ATRN: variants seen among roughly 807,000 people sequenced by gnomAD.
The protein encoded by ATRN is attractin-2.
Under a neutral mutation model 178.7 loss-of-function variants are expected in ATRN, and 54 were observed. That is an observed-to-expected ratio of 0.30 (90% CI 0.24 to 0.38). The LOEUF (loss-of-function observed/expected upper bound fraction) is 0.38, where lower values mean the gene tolerates loss of function less well. Ranked by LOEUF, ATRN falls within the 10% of genes least tolerant of loss-of-function variation. ATRN has a pLI of 1.00. For missense variants in ATRN, 1,443 were observed against 1,815.1 expected (o/e 0.79, Z 3.73); for synonymous variants, 636 against 663.0 (o/e 0.96, Z 0.63).
intron 24 of ATRN, among the ~76,000 whole-genome samples, chr20:3,622,376 G>A (rs1018938326): frequency 2.6e-5 from 4 of 152,178 alleles, no homozygotes; most frequent in South Asian, 2.1e-4. Flanking sequence ...CTCCAACAGC[G>A]CTTCCACTAA....
Position 3,538,548 on chromosome 20 carries a change from T to G in ATRN, c.495-1674T>G, listed in dbSNP as rs2085573227. Among the ~76,000 whole-genome samples the G allele has an allele frequency of 2.6e-5, 4 of 152,302 alleles. No homozygotes were observed. In the South Asian group the frequency reaches 8.3e-4, roughly 32 times the overall value. Reference sequence around the variant, plus strand: ...ATTGCCACCTGACACCCTCCTCCACTGTTTTTCTGAATGTGCTCTCAATGG... The same window carrying G: ...ATTGCCACCTGACACCCTCCTCCACGGTTTTTCTGAATGTGCTCTCAATGG... On this transcript the variant is annotated intron_variant, in intron 2 of 28. Transcript: ENST00000262919.
At chr20:3,642,035 G>A (rs2087073228) in intron 27 of ATRN, among the ~76,000 whole-genome samples, 1 of 152,230 alleles carries the variant, frequency 6.6e-6, no homozygotes, top group African/African-American at 2.4e-5. Context: ...ATATGACACA[G>A]TTAGTTGCTC....
rs1257328054 is a variant in ATRN, at chr20:3,645,934, C to T, written c.4166-789C>T. On this transcript the variant is annotated intron_variant, in intron 28 of 28. Coordinates refer to ENST00000262919, the MANE Select transcript of ATRN (RefSeq NM_139321.3). This position sits in a 1 kb window ranked among gnomAD's most constrained non-coding sequence, Gnocchi z 4.7. The stretch of plus-strand genomic sequence containing the variant: ...ATGTCAGATTACTCCGTTATCAATA[C>T]AGGAAGGAAAATGGGATTGCAAGTC... 1.3e-5 allele frequency among the ~76,000 whole-genome samples: 2 copies of T among 152,152 alleles called. No homozygotes were observed. Among genetic ancestry groups the T allele is most frequent in the African/African-American group, 4.8e-5 (2 of 41,416 alleles).
chr20:3,540,404 A>G (rs1263547123), intron 3 of ATRN, 69 bp downstream of exon 3: 7 of 998,298 alleles, frequency 7.0e-6, no homozygotes, highest in Non-Finnish European at 9.3e-6. Flanking sequence ...TCTGGATTGC[A>G]TTCTTACTGG....
At chr20:3,489,372 C>T (rs754898053) in intron 1 of ATRN, among the ~76,000 whole-genome samples, 5 of 152,154 alleles carry the variant, frequency 3.3e-5, no homozygotes, top group Admixed American at 6.5e-5. Context: ...CATCTCAGCC[C>T]TGCAATCTGC....
At chr20:3,506,624 C>CAAAAAA (rs1234061588) in intron 1 of ATRN, among the ~76,000 whole-genome samples, 4 of 84,278 alleles carry the variant, frequency 4.7e-5, no homozygotes, top group Non-Finnish European at 4.8e-5. Context: ...GACTACATCT[C>CAAAAAA]AAAAAAAAAA....
At chr20:3,604,500 A>G (rs1388304490) in intron 24 of ATRN, among the ~76,000 whole-genome samples, 1 of 152,266 alleles carries the variant, frequency 6.6e-6, no homozygotes, top group Non-Finnish European at 1.5e-5. Flanking sequence ...GTTGGCATGT[A>G]ACAGATTTGG....
At chr20:3,588,976 C>CTT (rs1375444238) in intron 18 of ATRN, among the ~76,000 whole-genome samples, 2 of 57,652 alleles carry the variant, frequency 3.5e-5, no homozygotes, top group African/African-American at 1.1e-4. Flanking sequence ...GTAGTATTTT[C>CTT]TTTTGTTTTT....
At chr20:3,502,730 G>T (rs1385807090) in intron 1 of ATRN, among the ~76,000 whole-genome samples, 1 of 152,196 alleles carries the variant, frequency 6.6e-6, no homozygotes, top group Non-Finnish European at 1.5e-5. Context: ...ACTATAGCTA[G>T]CAGTCCAGTT....
At chr20:3,579,816 A>C (rs115130815) in intron 15 of ATRN, among the ~76,000 whole-genome samples, 2,664 of 152,246 alleles carry the variant, frequency 0.017, 83 homozygotes, top group African/African-American at 0.06. Flanking sequence ...TGAGGGCAAC[A>C]CTTCCTTGGG....
intron 1 of ATRN, among the ~76,000 whole-genome samples, chr20:3,532,866 T>C (rs1235253957): frequency 6.6e-6 from 1 of 151,904 alleles, no homozygotes; most frequent in Non-Finnish European, 1.5e-5. Context: ...GGGTTCACGC[T>C]ATTCTCCTGC....
At chr20:3,554,431 G>T (rs2085836938) in intron 6 of ATRN, among the ~76,000 whole-genome samples, 1 of 151,868 alleles carries the variant, frequency 6.6e-6, no homozygotes, top group Non-Finnish European at 1.5e-5. Flanking sequence ...CGCCTCCCAG[G>T]TTCACACCAT....
At chr20:3,496,976 A>T (rs987476211) in intron 1 of ATRN, among the ~76,000 whole-genome samples, 4 of 151,702 alleles carry the variant, frequency 2.6e-5, no homozygotes, top group African/African-American at 9.7e-5. Flanking sequence ...AGAGACTAGG[A>T]TTGCAACCCC....
At chr20:3,633,355 C>A (rs771781946) in intron 25 of ATRN, among the ~76,000 whole-genome samples, 4 of 152,196 alleles carry the variant, frequency 2.6e-5, no homozygotes, top group Admixed American at 6.5e-5. Context: ...GTCATCCTAG[C>A]ATCTTAGAGT....
intron 1 of ATRN, among the ~76,000 whole-genome samples, chr20:3,507,428 G>A (rs1038229419): frequency 2.0e-5 from 3 of 150,806 alleles, no homozygotes; most frequent in African/African-American, 7.3e-5. Context: ...AAAAATTGGA[G>A]TCAAAAAATG....
At chr20:3,526,857 C>A (rs1030017367) in intron 1 of ATRN, among the ~76,000 whole-genome samples, 1 of 152,032 alleles carries the variant, frequency 6.6e-6, no homozygotes, top group South Asian at 2.1e-4. Flanking sequence ...TAAATGGTGT[C>A]GGGAAAACTG....
rs1488218119 is a variant in ATRN at position 3,490,954 on chromosome 20, GC to G, written c.410+19439del. On this transcript the variant is annotated intron_variant, in intron 1 of 28. Transcript: ENST00000262919. ...ATCTCTTTGGCCATGACGTCCATGA[GC>G]CTTTCCTTCTCCTCATGATAGCGCC... The G allele has an allele frequency of 6.5e-6, 10 of 1,527,014 alleles. No homozygotes were observed. In the Admixed American group the frequency reaches 1.7e-4, roughly 26 times the overall value. 94.6% of individuals were successfully genotyped at this position (1,527,014 alleles called of 1,614,324 possible).
chr20:3,617,672 A>G (rs905176267), intron 24 of ATRN, among the ~76,000 whole-genome samples: 1 of 152,154 alleles, frequency 6.6e-6, no homozygotes, highest in Non-Finnish European at 1.5e-5. Flanking sequence ...AAGAAAAAAA[A>G]TTACACAATG....
At chr20:3,581,086 G>C (rs758893493) in intron 15 of ATRN, among the ~76,000 whole-genome samples, 3 of 151,856 alleles carry the variant, frequency 2.0e-5, no homozygotes, top group Non-Finnish European at 1.5e-5. Context: ...TACAAAGGAA[G>C]TTTTTTTAAA....
Sources: allele counts gnomAD v4.1 joint callset (sites outside exome capture counted in the v4.1 genomes callset), GRCh38; gene constraint gnomAD v4.1.1; non-coding constraint Gnocchi (gnomAD v3.1); transcripts MANE v1.5; gene names NCBI Gene and HGNC (gene_info 2026-07-23, HGNC 2026-07-21).